The following STK10 variants were observed in gnomAD, a reference collection of about 807,000 sequenced individuals.
STK10 encodes the protein serine/threonine-protein kinase 10.
A neutral mutation model predicts 113.8 loss-of-function variants in STK10; 78 were observed. That is an observed-to-expected ratio of 0.69 (90% confidence interval 0.57 to 0.83). The LOEUF is 0.83. Among genes scored for constraint, STK10 ranks in the 40% least tolerant of loss-of-function variants. The pLI, the probability that STK10 is intolerant of heterozygous loss-of-function variation, is 0.00. For missense variants in STK10, 1,109 were observed against 1,280.1 expected, an observed-to-expected ratio of 0.87 and a Z score of 2.04; for synonymous variants, 465 against 494.7, an observed-to-expected ratio of 0.94 and a Z score of 0.80.
At chr5:172,051,502 G>T (rs1361273198) in intron 18 of STK10, among the ~76,000 whole-genome samples, 1 of 152,146 alleles carries the variant, frequency 6.6e-6, no homozygotes, top group African/African-American at 2.4e-5. Flanking sequence ...GCATGTGCCT[G>T]TAATCCCAGC....
At chr5:172,051,868 A>C (rs763272594) in intron 18 of STK10, among the ~76,000 whole-genome samples, 84 of 152,068 alleles carry the variant, frequency 5.5e-4, no homozygotes, top group South Asian at 1.5e-3. Flanking sequence ...CTGAGAAAGG[A>C]ATTTCTCAGT....
At position 172,082,465 on chromosome 5, in the gene STK10, T is replaced by C. The variant is rs1343302657; in HGVS notation, c.1850A>G (p.Glu617Gly). The change falls in exon 12 of 19, where the codon GAG (glutamate) becomes GGG (glycine). Residue 617 changes from glutamate to glycine, a missense_variant. Around this residue, in one of 5 missense-constraint regions of STK10, gnomAD observed 885 missense variants for 991.1 expected, o/e 0.89. Transcript: ENST00000176763. The surrounding 1 kb of genome is among the most constrained non-coding windows in gnomAD (Gnocchi z 4.3). ...KFFDTELENL[E>G]RQQKQQVEKM... ...CTCCACTTGCTGCTTTTGCTGACGC[T>C]CCAGGTTCTCTAATTCCGTGTCAAA... 2 of 1,607,176 alleles carry C rather than the reference T, an allele frequency of 1.2e-6. No homozygotes were observed. The highest frequency in any genetic ancestry group is 2.7e-5 in the African/African-American group (2 of 74,444).
rs532081244 is a variant in STK10 at position 172,109,022 on chromosome 5, T to C, written c.521-1170A>G. 2.0e-5 allele frequency among the ~76,000 whole-genome samples: 3 copies of C among 152,122 alleles called. No individual in the cohort carries two copies. The South Asian group carries it at 6.2e-4, about 32-fold the overall frequency. ...CTTGTCTTGAACTCCTAACCTCAGG[T>C]GGTCCACCAGCCTTGGCCTTCCAAA... On this transcript the variant is annotated intron_variant, in intron 4 of 18. Coordinates refer to ENST00000176763, the MANE Select transcript of STK10 (RefSeq NM_005990.4).
chr5:172,127,284 A>G (rs968705759), intron 3 of STK10, 89 bp downstream of exon 3: 9 of 1,444,232 alleles, frequency 6.2e-6, no homozygotes, highest in Non-Finnish European at 8.6e-6. Context: ...TGGAGGTCCC[A>G]GTCCTAGACA....
intron 13 of STK10, 95 bp downstream of exon 13, chr5:172,064,625 G>C (rs1224997972): frequency 1.5e-6 from 2 of 1,304,828 alleles, no homozygotes; most frequent in Non-Finnish European, 1.1e-6. Context: ...GGGTATTTGA[G>C]GGGCAGGGAT....
chr5:172,172,998 C>G (rs776097749), intron 1 of STK10, among the ~76,000 whole-genome samples: 3 of 151,846 alleles, frequency 2.0e-5, no homozygotes, highest in African/African-American at 4.8e-5. Context: ...AAAAAAAAAG[C>G]CTCTGAGGCG....
chr5:172,105,873 G>A, intron 6 of STK10, 136 bp from the exon 7 acceptor site: 1 of 702,348 alleles, frequency 1.4e-6, no homozygotes. Context: ...CAGTGACAGG[G>A]CCTACACGAC....
chr5:172,064,916 G>T, intron 12 of STK10, 104 bp from the exon 13 acceptor site: 1 of 1,324,466 alleles, frequency 7.6e-7, no homozygotes, highest in Non-Finnish European at 1.1e-6. Context: ...CCAAAGAAGA[G>T]GCTCAGCTTT....
intron 12 of STK10, among the ~76,000 whole-genome samples, chr5:172,071,201 GCTCT>G (rs1344398163): frequency 8.2e-5 from 8 of 97,262 alleles, no homozygotes; most frequent in Admixed American, 4.7e-4. Flanking sequence ...AGAGTGAGAC[GCTCT>G]CTATCTCAAA....
At chr5:172,177,976 G>A (rs1186157657) in intron 1 of STK10, among the ~76,000 whole-genome samples, 2 of 152,160 alleles carry the variant, frequency 1.3e-5, no homozygotes, top group African/African-American at 4.8e-5. Context: ...CTACAGGCAT[G>A]AGCCACCACA....
chr5:172,096,640 G>C (rs951584685), intron 7 of STK10, 80 bp from the exon 8 acceptor site: 1 of 1,569,142 alleles, frequency 6.4e-7, no homozygotes, highest in Admixed American at 1.7e-5. Flanking sequence ...GCTCACCCCC[G>C]GGGCAGAAAA....
intron 2 of STK10, among the ~76,000 whole-genome samples, chr5:172,147,088 T>C (rs993747063): frequency 6.6e-6 from 1 of 152,176 alleles, no homozygotes. Flanking sequence ...CTCACAGAAC[T>C]CATGGAAACA....
intron 7 of STK10, among the ~76,000 whole-genome samples, chr5:172,100,276 G>A (rs73321875): frequency 0.068 from 10,282 of 152,228 alleles, 1,185 homozygotes; most frequent in African/African-American, 0.24. Flanking sequence ...CTAGATCACA[G>A]AGGAACTTGA....
chr5:172,091,073 C>T (rs1168201694), intron 9 of STK10, among the ~76,000 whole-genome samples: 2 of 151,894 alleles, frequency 1.3e-5, no homozygotes, highest in Middle Eastern at 3.4e-3. Flanking sequence ...AGGATAGTCA[C>T]ACTACTTGCC....
chr5:172,166,225 G>C (rs1304342646), intron 1 of STK10, among the ~76,000 whole-genome samples: 1 of 152,238 alleles, frequency 6.6e-6, no homozygotes, highest in Non-Finnish European at 1.5e-5. Context: ...CTGCCGGAGG[G>C]TGAGGCCAAG....
chr5:172,047,542 C>T (rs1414129392), intron 18 of STK10, among the ~76,000 whole-genome samples: 1 of 152,100 alleles, frequency 6.6e-6, no homozygotes, highest in African/African-American at 2.4e-5. Context: ...TGAGCGTGGG[C>T]CTAACAGGAA....
At chr5:172,129,784 A>C (rs3756508) in intron 2 of STK10, among the ~76,000 whole-genome samples, 55,586 of 152,048 alleles carry the variant, frequency 0.37, 10,235 homozygotes, top group Non-Finnish European at 0.39. Flanking sequence ...GATGGAAAAG[A>C]AGCAAAACTC....
At chr5:172,074,038 A>G (rs1448605538) in intron 12 of STK10, among the ~76,000 whole-genome samples, 1 of 151,894 alleles carries the variant, frequency 6.6e-6, no homozygotes, top group Non-Finnish European at 1.5e-5. Flanking sequence ...TCAAATTAAA[A>G]ACACTAAGGA....
At chr5:172,186,215 A>G (rs1236741322) in intron 1 of STK10, among the ~76,000 whole-genome samples, 1 of 152,126 alleles carries the variant, frequency 6.6e-6, no homozygotes, top group East Asian at 1.9e-4. Flanking sequence ...TGGAGGTTGC[A>G]GTGAGGGCCG....
Sources: allele counts gnomAD v4.1 joint callset (sites outside exome capture counted in the v4.1 genomes callset), GRCh38; gene constraint gnomAD v4.1.1; regional missense constraint gnomAD v4.1.1; non-coding constraint Gnocchi (gnomAD v3.1); transcripts MANE v1.5; gene names NCBI Gene and HGNC (gene_info 2026-07-23, HGNC 2026-07-21).